Variants in TNS3 observed in about 807,000 individuals in gnomAD.
TNS3 encodes the protein tensin-3.
TNS3 carries 45 observed loss-of-function variants against 140.9 expected under a neutral mutation model. The observed-to-expected ratio is 0.32, with a 90% CI of 0.25 to 0.41. The LOEUF is 0.41. Among genes scored for constraint, TNS3 ranks in the 10% least tolerant of loss-of-function variants. The pLI is 1.00. For missense variants in TNS3, 1,716 were observed against 1,906.7 expected, an observed-to-expected ratio of 0.90 and a Z score of 1.86; for synonymous variants, 815 against 788.4, an observed-to-expected ratio of 1.03 and a Z score of -0.56.
chr7:47,445,809 G>A (rs1795701025), intron 4 of TNS3, among the ~76,000 whole-genome samples: 1 of 152,208 alleles, frequency 6.6e-6, no homozygotes, highest in Non-Finnish European at 1.5e-5. Flanking sequence ...CTGCCGCCAA[G>A]AGTTTCTGAA....
chr7:47,381,076 T>G (rs1378628532), intron 16 of TNS3, among the ~76,000 whole-genome samples: 1 of 152,218 alleles, frequency 6.6e-6, no homozygotes, highest in Non-Finnish European at 1.5e-5. Context: ...CTCCAGAGGC[T>G]GAAAGGTGGA....
chr7:47,343,317 G>A (rs1027653320), intron 20 of TNS3, among the ~76,000 whole-genome samples: 30 of 152,328 alleles, frequency 2.0e-4, no homozygotes, highest in African/African-American at 7.0e-4. Flanking sequence ...GAGTTTAGAC[G>A]GGGCTCCACA....
rs143842238 is a variant in TNS3, at chr7:47,541,852, G to A, written c.-264-12705C>T. 8.1e-3 allele frequency among the ~76,000 whole-genome samples: 1,238 copies of A among 152,096 alleles called. 17 individuals carry two copies. Among genetic ancestry groups the A allele is most frequent in the African/African-American group, 0.028 (1,174 of 41,440 alleles). On this transcript the variant is annotated intron_variant, in intron 1 of 30. Coordinates refer to ENST00000311160, the MANE Select transcript of TNS3 (RefSeq NM_022748.12). Reference sequence around the variant, plus strand: ...TAGTCCCAGCTACCCGGGAGGCTGAGGCAGAAGAATGGCATGATCCTGAGA... The same window carrying A: ...TAGTCCCAGCTACCCGGGAGGCTGAAGCAGAAGAATGGCATGATCCTGAGA...
In TNS3 at chr7:47,277,436, G is replaced by A; in HGVS notation, c.*640C>T. The A allele has an allele frequency of 6.4e-6, 1 of 155,948 alleles. No homozygotes were observed. The highest frequency in any genetic ancestry group is 1.4e-5 in the Non-Finnish European group (1 of 70,656). The allele number at this position is 155,948 out of a possible 1,614,324, so 9.7% of individuals were successfully genotyped here. A position where few individuals can be genotyped will look rare whatever the true frequency, so the allele number is the denominator to read the frequency against. ...ACAGAGCACTCACCATGGTGGGGTG[G>A]CATGGGGTCTCCAACGTGGCCAATT... On this transcript the variant is annotated 3_prime_UTR_variant, in exon 31 of 31. Coordinates refer to ENST00000311160, the MANE Select transcript of TNS3 (RefSeq NM_022748.12).
intron 1 of TNS3, among the ~76,000 whole-genome samples, chr7:47,530,006 T>G (rs1799334270): frequency 6.6e-6 from 1 of 152,210 alleles, no homozygotes; most frequent in South Asian, 2.1e-4. Flanking sequence ...GTTTGACAAT[T>G]TCTTATAAAC....
intron 10 of TNS3, among the ~76,000 whole-genome samples, chr7:47,417,249 G>A (rs568098145): frequency 3.5e-4 from 53 of 152,350 alleles, no homozygotes; most frequent in Non-Finnish European, 5.9e-4. Context: ...GGGAAACCAT[G>A]GCCTCTCCCT....
At chr7:47,427,154 C>G (rs989395499) in intron 9 of TNS3, among the ~76,000 whole-genome samples, 6 of 147,128 alleles carry the variant, frequency 4.1e-5, no homozygotes, top group Non-Finnish European at 7.4e-5. Flanking sequence ...AACAGAAGTG[C>G]TCAGGTGGTC....
At chr7:47,431,778 A>G (rs1794942786) in intron 8 of TNS3, among the ~76,000 whole-genome samples, 1 of 152,230 alleles carries the variant, frequency 6.6e-6, no homozygotes, top group Middle Eastern at 3.2e-3. Context: ...AACAAAATTG[A>G]CAAATCTTTA....
At chr7:47,278,295 C>T (rs558120137) in intron 30 of TNS3, 75 bp from the exon 31 acceptor site, 12 of 1,520,434 alleles carry the variant, frequency 7.9e-6, no homozygotes, top group East Asian at 4.6e-5. Flanking sequence ...CAGCTGCCAG[C>T]GGCACTGTCA....
chr7:47,400,740 AC>A (rs1301548046), intron 14 of TNS3, 44 bp downstream of exon 14: 1 of 1,604,936 alleles, frequency 6.2e-7, no homozygotes, highest in Admixed American at 1.7e-5. Context: ...AGGAGGTTCA[AC>A]CGCAGCTGCC....
chr7:47,471,824 G>T (rs1312341150), intron 4 of TNS3, among the ~76,000 whole-genome samples: 1 of 152,324 alleles, frequency 6.6e-6, no homozygotes, highest in South Asian at 2.1e-4. Flanking sequence ...AGCCAAAAAG[G>T]ATTTCCAGAA....
chr7:47,411,591 G>T, intron 13 of TNS3, 136 bp downstream of exon 13: 1 of 896,884 alleles, frequency 1.1e-6, no homozygotes, highest in Non-Finnish European at 1.7e-6. Flanking sequence ...TAAGGTAAAA[G>T]CTACTTTTCC....
intron 13 of TNS3, among the ~76,000 whole-genome samples, chr7:47,401,253 C>A (rs1338249160): frequency 6.6e-6 from 1 of 152,198 alleles, no homozygotes; most frequent in African/African-American, 2.4e-5. Flanking sequence ...GTGAATGTGC[C>A]CTGTTTTGGA....
intron 16 of TNS3, among the ~76,000 whole-genome samples, chr7:47,384,043 C>CA (rs375524873): frequency 1.3e-5 from 2 of 152,316 alleles, no homozygotes; most frequent in African/African-American, 4.8e-5. Context: ...ATGACACCAC[C>CA]AACTTTCAAC....
chr7:47,391,756 C>G (rs930760355), intron 16 of TNS3, among the ~76,000 whole-genome samples: 4 of 152,162 alleles, frequency 2.6e-5, no homozygotes, highest in Admixed American at 2.6e-4. Flanking sequence ...CACAGCAAGT[C>G]TGATCCTGAA....
chr7:47,519,999 T>G (rs954549303), intron 2 of TNS3, among the ~76,000 whole-genome samples: 1 of 151,224 alleles, frequency 6.6e-6, no homozygotes, highest in Non-Finnish European at 1.5e-5. Context: ...ATTTTTTGTG[T>G]TTTTTTTAGT....
intron 4 of TNS3, among the ~76,000 whole-genome samples, chr7:47,478,422 A>ATT (rs1192257374): frequency 6.6e-6 from 1 of 152,022 alleles, no homozygotes; most frequent in Non-Finnish European, 1.5e-5. Context: ...ACACACACAC[A>ATT]CACACACACA....
chr7:47,461,090 T>C (rs777124873), intron 4 of TNS3, among the ~76,000 whole-genome samples: 2 of 152,102 alleles, frequency 1.3e-5, no homozygotes, highest in Non-Finnish European at 2.9e-5. Flanking sequence ...GGAAAGAGCA[T>C]ATTCCCGCCT....
At chr7:47,334,726 A>T (rs928551724) in intron 20 of TNS3, among the ~76,000 whole-genome samples, 1 of 149,526 alleles carries the variant, frequency 6.7e-6, no homozygotes, top group Admixed American at 6.8e-5. Flanking sequence ...ATCCTGCCTC[A>T]GCCTCCCGAG....
Sources: gnomAD v4.1 joint callset for allele counts (sites outside exome capture counted in the v4.1 genomes callset) on GRCh38, gnomAD v4.1.1 for gene constraint, MANE v1.5 for transcripts, NCBI Gene and HGNC (gene_info 2026-07-23, HGNC 2026-07-21) for gene names.